The following TMX1 variants were observed in gnomAD, a reference collection of about 807,000 sequenced individuals.
The protein encoded by TMX1 is thioredoxin related transmembrane protein 1.
A neutral mutation model predicts 36.6 loss-of-function variants in TMX1; 25 were observed. That is an observed-to-expected ratio of 0.68 (90% CI 0.50 to 0.95). The LOEUF (loss-of-function observed/expected upper bound fraction) is 0.95, where lower values mean the gene tolerates loss of function less well. Among genes scored for constraint, TMX1 ranks in the 40% least tolerant of loss-of-function variants. The probability of loss-of-function intolerance (pLI) is 0.00; values close to 1 mark genes in which losing one functional copy is unlikely to be tolerated. For synonymous variants in TMX1, 133 were observed against 118.0 expected, an observed-to-expected ratio of 1.13 and a Z score of -0.82; for missense variants, 347 against 339.6, an observed-to-expected ratio of 1.02 and a Z score of -0.17.
At chr14:51,249,884 G>T in intron 7 of TMX1, 119 bp downstream of exon 7, 1 of 716,060 alleles carries the variant, frequency 1.4e-6, no homozygotes, top group Non-Finnish European at 2.3e-6. Context: ...TGGATTGTTG[G>T]TCTTTATCAG....
intron 1 of TMX1, 21 bp from the exon 2 acceptor site, chr14:51,243,835 A>T (rs750419215): frequency 4.2e-5 from 66 of 1,562,650 alleles, no homozygotes; most frequent in Admixed American, 1.2e-4. Context: ...CTTTTTTTAA[A>T]AAAAAATCTG....
chr14:51,247,879 T>A (rs1246288527), intron 4 of TMX1, among the ~76,000 whole-genome samples: 1 of 152,214 alleles, frequency 6.6e-6, no homozygotes, highest in Admixed American at 6.5e-5. Flanking sequence ...ATGAGTAGGC[T>A]CAAACTTGTA....
chr14:51,246,652 G>A (rs1268563768), intron 3 of TMX1, among the ~76,000 whole-genome samples: 1 of 152,190 alleles, frequency 6.6e-6, no homozygotes, highest in African/African-American at 2.4e-5. Context: ...AAAGCAGGGT[G>A]TCTGAGGTGA....
At chr14:51,251,683 G>T (rs545186347) in intron 7 of TMX1, among the ~76,000 whole-genome samples, 105 of 152,156 alleles carry the variant, frequency 6.9e-4, no homozygotes, top group Non-Finnish European at 9.6e-4. Context: ...GTAGGTGTTG[G>T]AGTCTGAGTC....
In TMX1 at chr14:51,256,915, T is replaced by G. The variant is rs1045542879; in HGVS notation, c.*2396T>G. ...TTGTTTTTGTTTTTGTTTTTTTTCT[T>G]CAGTGTGGGTACATGAAATTCAGCA... On this transcript the variant is annotated 3_prime_UTR_variant, in exon 8 of 8. Transcript: ENST00000457354. 4 of 152,134 alleles carry G rather than the reference T, an allele frequency of 2.6e-5. No individual in the cohort carries two copies. The highest frequency in any genetic ancestry group is 9.7e-5 in the African/African-American group (4 of 41,442). The allele number at this position is 152,134 out of a possible 1,614,324, so 9.4% of individuals were successfully genotyped here. A position where few individuals can be genotyped will look rare whatever the true frequency, so the allele number is the denominator to read the frequency against.
At position 51,254,575 on chromosome 14, in the gene TMX1, A is replaced by AT; in HGVS notation, c.*60dup. The AT allele has an allele frequency of 6.7e-7, 1 of 1,499,716 alleles. No homozygotes were observed. 92.9% of individuals were successfully genotyped at this position (1,499,716 alleles called of 1,614,324 possible). ...TTTTGATAAAAACAGAAGATTGATC[A>AT]TTTTGTTTGGTTTGAAGTGAACTGT... On this transcript the variant is annotated 3_prime_UTR_variant, in exon 8 of 8. Coordinates refer to ENST00000457354, the MANE Select transcript of TMX1 (RefSeq NM_030755.5).
chr14:51,247,449 T>C (rs935330335), intron 4 of TMX1, among the ~76,000 whole-genome samples: 11 of 147,856 alleles, frequency 7.4e-5, no homozygotes, highest in African/African-American at 2.5e-4. Flanking sequence ...CTCTGCCTCC[T>C]GGGTTCACGC....
Position 51,240,329 on chromosome 14 carries a change from G to C in TMX1, c.37G>C (p.Val13Leu). 8 of 1,613,606 alleles carry C rather than the reference G, an allele frequency of 5.0e-6. No homozygotes were observed. Among genetic ancestry groups the C allele is most frequent in the Non-Finnish European group, 5.9e-6 (7 of 1,180,016 alleles). Residue 13 changes from valine to leucine, a missense_variant, in exon 1 of 8, where the codon GTC becomes CTC. Physicochemically the swap from Val to Leu is conservative, Grantham distance 32. Transcript: ENST00000457354. The part of the protein sequence containing the change: ...PSGSLAVPLA[V>L]LVLLLWGAPW... ...CGGGAGTCTTGCAGTTCCCCTGGCA[G>C]TCCTGGTGCTGTTGCTTTGGGGTGC...
Position 51,254,562 on chromosome 14 carries a change from C to T in TMX1, c.*43C>T. 1 of 1,523,088 alleles carries T rather than the reference C, an allele frequency of 6.6e-7. No individual in the cohort carries two copies. 94.3% of individuals were successfully genotyped at this position (1,523,088 alleles called of 1,614,324 possible). On this transcript the variant is annotated 3_prime_UTR_variant, in exon 8 of 8. Coordinates refer to ENST00000457354, the MANE Select transcript of TMX1 (RefSeq NM_030755.5). ...CTTAATATTATGATTTTGATAAAAA[C>T]AGAAGATTGATCATTTTGTTTGGTT...
In TMX1 at chr14:51,247,210, G is replaced by C; in HGVS notation, c.433G>C (p.Gly145Arg). The C allele has an allele frequency of 6.2e-7, 1 of 1,611,916 alleles. No individual in the cohort carries two copies. Among genetic ancestry groups the C allele is most frequent in the Non-Finnish European group, 8.5e-7 (1 of 1,179,168 alleles). Residue 145 changes from glycine (G) to arginine (R), a missense_variant, in exon 4 of 8, where the codon GGT becomes CGT. Physicochemically the swap from Gly to Arg is moderately radical, Grantham distance 125. Coordinates refer to ENST00000457354, the MANE Select transcript of TMX1 (RefSeq NM_030755.5). ...IEPVSSWFGP[G>R]SVLMSSMSAL... Reference sequence around the variant, plus strand: ...GCCCGTTTCATCATGGTTTGGTCCAGGTTCTGTTCTGTAAGTATGAGGGCT... The same window carrying C: ...GCCCGTTTCATCATGGTTTGGTCCACGTTCTGTTCTGTAAGTATGAGGGCT...
chr14:51,248,873 A>G (rs556498713), intron 4 of TMX1, among the ~76,000 whole-genome samples: 30 of 152,340 alleles, frequency 2.0e-4, no homozygotes, highest in African/African-American at 5.1e-4. Context: ...ATTAATTTCA[A>G]TAAAAAAGAG....
At position 51,255,915 on chromosome 14, in the gene TMX1, A is replaced by G. The variant is rs2065836304; in HGVS notation, c.*1396A>G. 1 of 152,534 alleles carries G rather than the reference A, an allele frequency of 6.6e-6. No individual in the cohort carries two copies. The highest frequency in any genetic ancestry group is 1.5e-5 in the Non-Finnish European group (1 of 67,952). 9.4% of individuals were successfully genotyped at this position (152,534 alleles called of 1,614,324 possible). On this transcript the variant is annotated 3_prime_UTR_variant, in exon 8 of 8. Coordinates refer to ENST00000457354, the MANE Select transcript of TMX1 (RefSeq NM_030755.5). ...TTAGATTTACAGTATCGTAATATAC[A>G]AGTTTTCTTTAAAGCCCTCTCCTTT... is the stretch of plus-strand genomic sequence containing the variant.
chr14:51,247,352 ATT>A (rs35852707), intron 4 of TMX1, 132 bp downstream of exon 4: 16,299 of 298,096 alleles, frequency 0.055, 1 homozygote, highest in South Asian at 0.077. Flanking sequence ...TACATGTTTG[ATT>A]TTTTTTTTTT....
intron 3 of TMX1, among the ~76,000 whole-genome samples, chr14:51,246,416 A>C (rs2065786046): frequency 6.6e-6 from 1 of 152,156 alleles, no homozygotes; most frequent in African/African-American, 2.4e-5. Context: ...TTTACCTCTG[A>C]GTGGATAAAG....
rs970408327 is a variant in TMX1 at position 51,257,330 on chromosome 14, C to T, written c.*2811C>T. On this transcript the variant is annotated 3_prime_UTR_variant, in exon 8 of 8. Coordinates refer to ENST00000457354, the MANE Select transcript of TMX1 (RefSeq NM_030755.5). The stretch of plus-strand genomic sequence containing the variant: ...ACACAAAAAAAGGCATAGTTCTGGG[C>T]TTAATTGTGATGTAATTAAAATTAT... The T allele has an allele frequency of 6.6e-6, 1 of 152,120 alleles. No homozygotes were observed. The highest frequency in any genetic ancestry group is 2.4e-5 in the African/African-American group (1 of 41,412). 9.4% of individuals were successfully genotyped at this position (152,120 alleles called of 1,614,324 possible).
chr14:51,247,049 T>C, intron 3 of TMX1, 43 bp from the exon 4 acceptor site: 1 of 1,523,846 alleles, frequency 6.6e-7, no homozygotes, highest in Admixed American at 2.1e-5. Flanking sequence ...AATATTAAAT[T>C]ATTTCTCAGT....
rs372323743 is a variant in TMX1 at position 51,240,364 on chromosome 14, G to A, written c.72G>A (p.Thr24=). The change falls in exon 1 of 8, where the codon ACG becomes ACA. Residue 24 remains threonine (T), a synonymous_variant. Coordinates refer to ENST00000457354, the MANE Select transcript of TMX1 (RefSeq NM_030755.5). The part of the protein sequence containing the change: ...LVLLLWGAPW[T]HGRRSNVRVI... The stretch of plus-strand genomic sequence containing the variant: ...TGTTGCTTTGGGGTGCTCCCTGGAC[G>A]CACGGGCGGCGGAGCAACGTTCGCG... 8.1e-6 allele frequency: 13 copies of A among 1,613,866 alleles called. No individual in the cohort carries two copies. Among genetic ancestry groups the A allele is most frequent in the Non-Finnish European group, 1.0e-5 (12 of 1,180,012 alleles).
chr14:51,241,178 C>T (rs1159885827), intron 1 of TMX1, among the ~76,000 whole-genome samples: 1 of 152,016 alleles, frequency 6.6e-6, no homozygotes, highest in Non-Finnish European at 1.5e-5. Flanking sequence ...CTCTCAAGAG[C>T]GCCAGGTCAT....
intron 1 of TMX1, 145 bp downstream of exon 1, chr14:51,240,589 T>A: frequency 8.2e-7 from 1 of 1,223,074 alleles, no homozygotes; most frequent in Non-Finnish European, 1.1e-6. Flanking sequence ...CTCCCCAAAC[T>A]CTTGGGATCT....
Sources: gnomAD v4.1 joint callset for allele counts (sites outside exome capture counted in the v4.1 genomes callset) on GRCh38, gnomAD v4.1.1 for gene constraint, MANE v1.5 for transcripts, NCBI Gene and HGNC (gene_info 2026-07-23, HGNC 2026-07-21) for gene names.